DENND2B: variants seen among roughly 807,000 people sequenced by gnomAD.
DENND2B encodes the protein DENN domain containing 2B, also known as DENN domain-containing protein 2B.
In DENND2B, 32 loss-of-function variants were observed where a neutral mutation model predicts 116.0. That is an observed-to-expected ratio of 0.28 (90% CI 0.21 to 0.37). The LOEUF is 0.37. Among genes scored for constraint, DENND2B ranks in the 10% least tolerant of loss-of-function variants. DENND2B has a pLI of 1.00. For missense variants in DENND2B, 1,276 were observed against 1,477.7 expected (o/e 0.86, Z 2.24); for synonymous variants, 588 against 583.9 (o/e 1.01, Z -0.10).
At chr11:8,815,644 A>G (rs1033274076), upstream of DENND2B, among the ~76,000 whole-genome samples, 1 of 151,972 alleles carries the variant, frequency 6.6e-6, no homozygotes, top group Non-Finnish European at 1.5e-5. Context: ...TCTGTAAAAT[A>G]TTTTTCAATC....
At position 8,730,881 on chromosome 11, in the gene DENND2B, T is replaced by C. The variant is rs772193222; in HGVS notation, c.409A>G (p.Ser137Gly). The C allele has an allele frequency of 3.7e-6, 6 of 1,613,834 alleles. No individual in the cohort carries two copies. The highest frequency in any genetic ancestry group is 2.2e-5 in the East Asian group (1 of 44,858). The change falls in exon 3 of 20, where the codon AGC (serine) becomes GGC (glycine). Residue 137 changes from serine to glycine, a missense_variant. Physicochemically the swap from Ser to Gly is moderately conservative, Grantham distance 56. Around this residue, in one of 2 missense-constraint regions of DENND2B, gnomAD observed 856 missense variants for 846.6 expected, o/e 1.01. Coordinates refer to ENST00000313726, the MANE Select transcript of DENND2B (RefSeq NM_213618.2). This position sits in a 1 kb window ranked among gnomAD's most constrained non-coding sequence, Gnocchi z 4.1. ...GVAACLPLAQSTPFPGPAAGP... is the reference protein window; with the variant it reads ...GVAACLPLAQGTPFPGPAAGP... Reference sequence around the variant, plus strand: ...GCTGCTGGCCCCGGGAATGGCGTGCTCTGGGCAAGGGGGAGGCAGGCAGCG... The same window carrying C: ...GCTGCTGGCCCCGGGAATGGCGTGCCCTGGGCAAGGGGGAGGCAGGCAGCG...
chr11:8,810,786 CTTTTTCTT>C (rs2061323607), upstream of DENND2B: 1 of 151,814 alleles, frequency 6.6e-6, no homozygotes, highest in African/African-American at 2.4e-5. Flanking sequence ...AGGGCGCTCT[CTTTTTCTT>C]TCTTTCTCAC....
At chr11:8,828,479 A>T (rs889163569) in intron 4 of DENND2B, among the ~76,000 whole-genome samples, 2 of 152,032 alleles carry the variant, frequency 1.3e-5, no homozygotes, top group Non-Finnish European at 2.9e-5. Flanking sequence ...AGACCACAAG[A>T]ACCCACTCTG....
chr11:8,765,691 A>AT (rs34422931), intron 1 of DENND2B, among the ~76,000 whole-genome samples: 88,208 of 151,072 alleles, frequency 0.58, 26,726 homozygotes, highest in Non-Finnish European at 0.66. Flanking sequence ...TTCTTGTATC[A>AT]TTTTTTTTTC....
chr11:8,831,859 C>G (rs2062220453), intron 4 of DENND2B: 1 of 152,146 alleles, frequency 6.6e-6, no homozygotes, highest in Non-Finnish European at 1.5e-5. Context: ...TGGGTGCACT[C>G]TGAAAGATTT....
intron 14 of DENND2B, among the ~76,000 whole-genome samples, chr11:8,700,168 G>A (rs1207228870): frequency 6.6e-6 from 1 of 151,224 alleles, no homozygotes; most frequent in Non-Finnish European, 1.5e-5. Flanking sequence ...GGCCACTAAG[G>A]TCAGGCCAGG....
intron 2 of DENND2B, among the ~76,000 whole-genome samples, chr11:8,864,749 T>C (rs1300711494): frequency 1.3e-5 from 2 of 152,190 alleles, no homozygotes; most frequent in Non-Finnish European, 2.9e-5. Flanking sequence ...TAAATGATAG[T>C]GATACAGAGC....
intron 6 of DENND2B, 149 bp downstream of exon 6, chr11:8,715,454 A>T: frequency 1.5e-6 from 1 of 689,300 alleles, no homozygotes; most frequent in East Asian, 2.7e-5. Context: ...GATGAAAAAG[A>T]GGCCAGTGCA....
intron 9 of DENND2B, among the ~76,000 whole-genome samples, chr11:8,711,604 T>C (rs1215710480): frequency 1.3e-5 from 2 of 151,730 alleles, no homozygotes; most frequent in Non-Finnish European, 2.9e-5. Context: ...CGGTGGTTCA[T>C]GCCTGTTAAT....
At chr11:8,751,008 C>G (rs768283537) in intron 1 of DENND2B, among the ~76,000 whole-genome samples, 1 of 152,144 alleles carries the variant, frequency 6.6e-6, no homozygotes, top group African/African-American at 2.4e-5. Flanking sequence ...CACCCTATGT[C>G]TAGCTCAGGG....
At chr11:8,783,946 A>G (rs2058643038) in intron 1 of DENND2B, 1 of 152,242 alleles carries the variant, frequency 6.6e-6, no homozygotes, top group Non-Finnish European at 1.5e-5. Context: ...GTGACTGAAG[A>G]GCAGAGAGTA....
At chr11:8,725,396 C>T (rs1194096040) in intron 4 of DENND2B, among the ~76,000 whole-genome samples, 6 of 146,318 alleles carry the variant, frequency 4.1e-5, no homozygotes, top group African/African-American at 7.6e-5. Context: ...TTTTTTGAGA[C>T]GGAGTTTCAC....
chr11:8,718,683 G>A, intron 4 of DENND2B: 1 of 1,208,940 alleles, frequency 8.3e-7, no homozygotes, highest in Non-Finnish European at 1.0e-6. Flanking sequence ...GGGCCAAAGG[G>A]TGGGGGTGAG....
At chr11:8,751,931 C>G (rs2052581954) in intron 1 of DENND2B, among the ~76,000 whole-genome samples, 1 of 152,116 alleles carries the variant, frequency 6.6e-6, no homozygotes, top group African/African-American at 2.4e-5. Flanking sequence ...AGAAAAAAGT[C>G]ACCTCATTCT....
At chr11:8,892,503 G>GACTAATA (rs2064046833) in intron 1 of DENND2B, among the ~76,000 whole-genome samples, 1 of 151,988 alleles carries the variant, frequency 6.6e-6, no homozygotes, top group Non-Finnish European at 1.5e-5. Context: ...CCACTAGCAA[G>GACTAATA]ACTAATAAAG....
chr11:8,876,873 C>T (rs1472081879), intron 2 of DENND2B, among the ~76,000 whole-genome samples: 3 of 116,232 alleles, frequency 2.6e-5, no homozygotes, highest in Admixed American at 1.8e-4. Flanking sequence ...AGCAAGATTC[C>T]GTCTCAAAAA....
chr11:8,889,279 G>A (rs1434953694), intron 1 of DENND2B, among the ~76,000 whole-genome samples: 9 of 152,220 alleles, frequency 5.9e-5, no homozygotes, highest in South Asian at 2.1e-4. Flanking sequence ...CAAGATGGCC[G>A]AATAGGAACA....
chr11:8,909,231 C>T (rs541027812), intron 1 of DENND2B, among the ~76,000 whole-genome samples: 3 of 152,040 alleles, frequency 2.0e-5, no homozygotes, highest in African/African-American at 7.2e-5. Flanking sequence ...CCTGTCTCTA[C>T]GAAACATTTA....
At chr11:8,827,998 G>T (rs1282748764) in intron 4 of DENND2B, among the ~76,000 whole-genome samples, 1 of 152,214 alleles carries the variant, frequency 6.6e-6, no homozygotes, top group African/African-American at 2.4e-5. Flanking sequence ...CTGTGGCAAT[G>T]TTGTGTGGAG....
Sources: gnomAD v4.1 joint callset for allele counts (sites outside exome capture counted in the v4.1 genomes callset) on GRCh38, gnomAD v4.1.1 for gene constraint, gnomAD v4.1.1 regional missense constraint, Gnocchi (gnomAD v3.1) non-coding constraint, MANE v1.5 for transcripts, NCBI Gene and HGNC (gene_info 2026-07-23, HGNC 2026-07-21) for gene names.